The following STK31 variants were observed in gnomAD, a reference collection of about 807,000 sequenced individuals.
STK31 encodes serine/threonine kinase 31.
Under a neutral mutation model 129.7 loss-of-function variants are expected in STK31, and 89 were observed. The ratio of observed to expected loss-of-function variants is 0.69; its 90% CI spans 0.58 to 0.82. STK31 has a LOEUF of 0.82. STK31 is among the 40% of genes least tolerant of loss of function. The pLI is 0.00. For missense variants in STK31, 1,187 were observed against 1,176.4 expected, an observed-to-expected ratio of 1.01 and a Z score of -0.13; for synonymous variants, 448 against 395.3, an observed-to-expected ratio of 1.13 and a Z score of -1.58.
rs190846115 is a variant in STK31, at chr7:23,818,586, G to A, written c.2829+3374G>A. On this transcript the variant is annotated intron_variant, in intron 23 of 23. Coordinates refer to ENST00000355870, the MANE Select transcript of STK31 (RefSeq NM_031414.5). Reference sequence around the variant, plus strand: ...ATAGTAGCTTTTTAATACTTATAGGGCTAGTTCCTTCTTCACTGCTTTTTT... The same window carrying A: ...ATAGTAGCTTTTTAATACTTATAGGACTAGTTCCTTCTTCACTGCTTTTTT... Among the ~76,000 whole-genome samples, 576 of 149,282 alleles carry A rather than the reference G, an allele frequency of 3.9e-3. 4 individuals carry two copies. Among genetic ancestry groups the A allele is most frequent in the Middle Eastern group, 0.02 (6 of 294 alleles).
Position 23,759,408 on chromosome 7 carries a change from A to G in STK31, c.1294-3393A>G, listed in dbSNP as rs528434623. Among the ~76,000 whole-genome samples, 16 of 152,372 alleles carry G rather than the reference A, an allele frequency of 1.1e-4. No individual in the cohort carries two copies. The South Asian group carries it at 3.3e-3, about 32-fold the overall frequency. Reference sequence around the variant, plus strand: ...AAACACTCTTCAGCAAATGCAAAAGAACTGAAATCATAACAAACAGTCTCT... The same window carrying G: ...AAACACTCTTCAGCAAATGCAAAAGGACTGAAATCATAACAAACAGTCTCT... On this transcript the variant is annotated intron_variant, in intron 10 of 23. Transcript: ENST00000355870.
At chr7:23,717,300 A>G (rs756902368) in intron 3 of STK31, among the ~76,000 whole-genome samples, 181 bp from the exon 4 acceptor site, 11 of 151,484 alleles carry the variant, frequency 7.3e-5, no homozygotes. Context: ...AACTTTTTCT[A>G]TGGCCTAGTC....
chr7:23,818,873 C>T (rs917544757), intron 23 of STK31, among the ~76,000 whole-genome samples: 4 of 152,174 alleles, frequency 2.6e-5, no homozygotes, highest in African/African-American at 9.7e-5. Context: ...GATCCACCTG[C>T]CTCAGCCTCC....
intron 10 of STK31, among the ~76,000 whole-genome samples, chr7:23,760,971 T>C (rs1272568967): frequency 6.6e-6 from 1 of 152,208 alleles, no homozygotes; most frequent in African/African-American, 2.4e-5. Context: ...CGTACCCTAG[T>C]TCTAAATGTT....
At chr7:23,748,269 A>G (rs184950188) in intron 8 of STK31, among the ~76,000 whole-genome samples, 1 of 151,980 alleles carries the variant, frequency 6.6e-6, no homozygotes, top group African/African-American at 2.4e-5. Flanking sequence ...TCTTTCTGTT[A>G]TTGATTTTTA....
At chr7:23,830,926 C>T (rs773709347) in intron 23 of STK31, among the ~76,000 whole-genome samples, 1 of 152,094 alleles carries the variant, frequency 6.6e-6, no homozygotes, top group Non-Finnish European at 1.5e-5. Flanking sequence ...GGCCAATTTC[C>T]ATGCGTTTGT....
intron 15 of STK31, among the ~76,000 whole-genome samples, chr7:23,774,138 T>C (rs964377463): frequency 1.3e-5 from 2 of 152,202 alleles, no homozygotes; most frequent in African/African-American, 4.8e-5. Flanking sequence ...TGCATAGTAT[T>C]CCATGGTGTA....
intron 15 of STK31, among the ~76,000 whole-genome samples, chr7:23,778,161 G>A (rs1790677182): frequency 6.6e-6 from 1 of 152,104 alleles, no homozygotes. Context: ...TTGAATATTG[G>A]CCCCCACTCT....
rs1305259594 is a variant in STK31, at chr7:23,727,227, T to G, written c.250-14T>G. On this transcript the variant is annotated splice_polypyrimidine_tract_variant and intron_variant, in intron 4 of 23. Transcript: ENST00000355870. ...TTAAATGCCAAGTAATTTTGCTTTC[T>G]TTTCTCTTTGTAGATTTATGGTGGA... 4 of 1,612,782 alleles carry G rather than the reference T, an allele frequency of 2.5e-6. No homozygotes were observed. The highest frequency in any genetic ancestry group is 2.5e-6 in the Non-Finnish European group (3 of 1,179,208).
At chr7:23,788,854 T>TA (rs1156529625) in intron 21 of STK31, among the ~76,000 whole-genome samples, 1 of 152,190 alleles carries the variant, frequency 6.6e-6, no homozygotes, top group Non-Finnish European at 1.5e-5. Flanking sequence ...AATTCATTAA[T>TA]AGTTTGTAGT....
chr7:23,719,084 C>T (rs1786524984), intron 4 of STK31, among the ~76,000 whole-genome samples: 1 of 152,062 alleles, frequency 6.6e-6, no homozygotes, highest in Non-Finnish European at 1.5e-5. Flanking sequence ...TACCTATTCA[C>T]ATCTTTTCCC....
chr7:23,763,013 C>T (rs1789564980), intron 11 of STK31, 90 bp downstream of exon 11: 5 of 1,183,512 alleles, frequency 4.2e-6, no homozygotes, highest in Non-Finnish European at 5.6e-6. Context: ...TTAGATTGTT[C>T]TGTGATGGTT....
chr7:23,817,195 A>ATAAT (rs1562629293), intron 23 of STK31, among the ~76,000 whole-genome samples: 4 of 151,306 alleles, frequency 2.6e-5, no homozygotes, highest in African/African-American at 9.7e-5. Context: ...CTCAAAAAAA[A>ATAAT]AAAAATAATA....
chr7:23,826,514 C>A (rs1466467717), intron 23 of STK31, among the ~76,000 whole-genome samples: 3 of 152,176 alleles, frequency 2.0e-5, no homozygotes, highest in African/African-American at 7.2e-5. Context: ...GATGGGTTTC[C>A]TGAATACAGC....
intron 22 of STK31, among the ~76,000 whole-genome samples, chr7:23,795,254 A>G (rs1477577290): frequency 6.6e-6 from 1 of 152,170 alleles, no homozygotes; most frequent in Non-Finnish European, 1.5e-5. Flanking sequence ...AGTCATGGCT[A>G]AAAGGGGCCA....
chr7:23,772,135 T>C lies in STK31; in HGVS notation c.1834-12T>C. On this transcript the variant is annotated splice_polypyrimidine_tract_variant and intron_variant, in intron 14 of 23. Transcript: ENST00000355870. ...TTATGTGTTTGAAAATACGTAACTT[T>C]TGTTTACTTAGTTTAAAAAGCAGCT... 1 of 1,532,216 alleles carries C rather than the reference T, an allele frequency of 6.5e-7. No individual in the cohort carries two copies. The highest frequency in any genetic ancestry group is 8.8e-7 in the Non-Finnish European group (1 of 1,134,998). 94.9% of individuals were successfully genotyped at this position (1,532,216 alleles called of 1,614,324 possible).
chr7:23,719,785 G>A (rs1371405185), intron 4 of STK31, among the ~76,000 whole-genome samples: 3 of 152,034 alleles, frequency 2.0e-5, no homozygotes, highest in Admixed American at 6.5e-5. Context: ...TTGTTTTTAG[G>A]TGTGTGGAAT....
chr7:23,804,032 A>G (rs1792539586), intron 22 of STK31, among the ~76,000 whole-genome samples: 1 of 152,148 alleles, frequency 6.6e-6, no homozygotes, highest in African/African-American at 2.4e-5. Context: ...TACTGCTGTG[A>G]AGAAGTTGAA....
chr7:23,825,739 G>A (rs928743718), intron 23 of STK31, among the ~76,000 whole-genome samples: 3 of 152,044 alleles, frequency 2.0e-5, no homozygotes, highest in African/African-American at 4.8e-5. Context: ...GGCATTTAGT[G>A]CTATACATTT....
Sources: allele counts gnomAD v4.1 joint callset (sites outside exome capture counted in the v4.1 genomes callset), GRCh38; gene constraint gnomAD v4.1.1; transcripts MANE v1.5; gene names NCBI Gene and HGNC (gene_info 2026-07-23, HGNC 2026-07-21).